BCL7A: variants seen among roughly 807,000 people sequenced by gnomAD.
The protein encoded by BCL7A is B-cell CLL/lymphoma 7 protein family member A.
In BCL7A, 11 loss-of-function variants were observed where a neutral mutation model predicts 28.4. The ratio of observed to expected loss-of-function variants is 0.39; its 90% confidence interval spans 0.24 to 0.64. BCL7A has a LOEUF of 0.64. Among genes scored for constraint, BCL7A ranks in the 30% least tolerant of loss-of-function variants. BCL7A has a pLI of 0.50. For synonymous variants in BCL7A, 123 were observed against 103.3 expected, an observed-to-expected ratio of 1.19 and a Z score of -1.15; for missense variants, 222 against 274.8, an observed-to-expected ratio of 0.81 and a Z score of 1.36.
intron 5 of BCL7A, among the ~76,000 whole-genome samples, chr12:122,057,787 T>C (rs773193560): frequency 1.3e-5 from 2 of 152,168 alleles, no homozygotes; most frequent in Non-Finnish European, 2.9e-5. Context: ...CATATGTGTA[T>C]ACCCAGCAAA....
intron 5 of BCL7A, among the ~76,000 whole-genome samples, chr12:122,055,701 C>A (rs1951873618): frequency 6.6e-6 from 1 of 152,196 alleles, no homozygotes; most frequent in Non-Finnish European, 1.5e-5. Context: ...TCACTCCAAC[C>A]TCCACCTCCT....
rs902579002 is a variant in BCL7A, at chr12:122,059,628, T to C, written c.*465T>C. Reference sequence around the variant, plus strand: ...CCTCTGGCATGTATCCTGGTGGTTCTTACATCCCCCTCTGCAAAGTGCCCT... The same window carrying C: ...CCTCTGGCATGTATCCTGGTGGTTCCTACATCCCCCTCTGCAAAGTGCCCT... On this transcript the variant is annotated 3_prime_UTR_variant, in exon 6 of 6. Transcript: ENST00000261822. This position sits in a 1 kb window ranked among gnomAD's most constrained non-coding sequence, Gnocchi z 4.0. 3.4e-5 allele frequency: 8 copies of C among 234,318 alleles called. No homozygotes were observed. The highest frequency in any genetic ancestry group is 6.7e-5 in the Non-Finnish European group (8 of 118,946). 14.5% of individuals were successfully genotyped at this position (234,318 alleles called of 1,614,324 possible).
intron 3 of BCL7A, among the ~76,000 whole-genome samples, chr12:122,043,289 A>G (rs2135851767): frequency 6.6e-6 from 1 of 152,118 alleles, no homozygotes; most frequent in Non-Finnish European, 1.5e-5. Flanking sequence ...TTAGGCCACC[A>G]TCCCCAGCTG....
In BCL7A at chr12:122,021,941, TGTGTGTGTGTGTGTGTGA is replaced by T; in HGVS notation, c.-143_-126del. 7.1e-6 allele frequency: 4 copies of T among 565,732 alleles called. No individual in the cohort carries two copies. Among genetic ancestry groups the T allele is most frequent in the South Asian group, 3.8e-5 (2 of 52,228 alleles). The allele number at this position is 565,732 out of a possible 1,614,324, so 35.0% of individuals were successfully genotyped here. On this transcript the variant is annotated 5_prime_UTR_variant, in exon 1 of 6. It removes the in-frame stop codon of an upstream open reading frame in the 5' UTR. Coordinates refer to ENST00000261822, the MANE Select transcript of BCL7A (RefSeq NM_001024808.3). Reference sequence around the variant, plus strand: ...TTGTGTGTGTGTGTATGTGTGTGTGTGTGTGTGTGTGTGTGTGAGTGTGTGCGTGTGAGAGTGCGAGTG... The same window carrying T: ...TTGTGTGTGTGTGTATGTGTGTGTGTGTGTGTGCGTGTGAGAGTGCGAGTG...
At chr12:122,049,876 A>G (rs919824945) in intron 4 of BCL7A, among the ~76,000 whole-genome samples, 9 of 151,922 alleles carry the variant, frequency 5.9e-5, no homozygotes, top group Non-Finnish European at 1.0e-4. Context: ...AGAATGTCAC[A>G]GGTTCTGCCT....
In BCL7A at chr12:122,059,778, G is replaced by C; in HGVS notation, c.*615G>C. The C allele has an allele frequency of 4.3e-6, 1 of 232,004 alleles. No individual in the cohort carries two copies. Among genetic ancestry groups the C allele is most frequent in the Non-Finnish European group, 8.5e-6 (1 of 117,326 alleles). 14.4% of individuals were successfully genotyped at this position (232,004 alleles called of 1,614,324 possible). A position where few individuals can be genotyped will look rare whatever the true frequency, so the allele number is the denominator to read the frequency against. The stretch of plus-strand genomic sequence containing the variant: ...AGCCCACCTGGTTTGCAGGTGCAGG[G>C]GGACCTTAGGCACGCCCCAAGCACC... On this transcript the variant is annotated 3_prime_UTR_variant, in exon 6 of 6. Transcript: ENST00000261822. This position sits in a 1 kb window ranked among gnomAD's most constrained non-coding sequence, Gnocchi z 4.0.
Position 122,021,926 on chromosome 12 carries a change from G to GGA in BCL7A, c.-166_-165insGA. On this transcript the variant is annotated 5_prime_UTR_variant, in exon 1 of 6. It adds an upstream start codon to the 5' untranslated region. Transcript: ENST00000261822. ...CGGCGGCCCCGGGCTTTGTGTGTGTGTGTATGTGTGTGTGTGTGTGTGTGT... is the reference window on the plus strand; with the variant it reads ...CGGCGGCCCCGGGCTTTGTGTGTGTGGATGTATGTGTGTGTGTGTGTGTGTGT... 9.5e-6 allele frequency: 4 copies of GGA among 422,208 alleles called. No homozygotes were observed. The highest frequency in any genetic ancestry group is 4.3e-5 in the East Asian group (1 of 23,122). 26.2% of individuals were successfully genotyped at this position (422,208 alleles called of 1,614,324 possible). A position where few individuals can be genotyped will look rare whatever the true frequency, so the allele number is the denominator to read the frequency against.
chr12:122,027,588 A>C (rs1305040068), intron 1 of BCL7A, among the ~76,000 whole-genome samples: 1 of 152,090 alleles, frequency 6.6e-6, no homozygotes, highest in Non-Finnish European at 1.5e-5. Flanking sequence ...CTGTAATTCC[A>C]GCACTTTGGG....
chr12:122,059,836 G>GCCA lies in BCL7A; in HGVS notation c.*673_*674insCCA, dbSNP rs1404435293. 4.3e-6 allele frequency: 1 copy of GCCA among 232,026 alleles called. No individual in the cohort carries two copies. The highest frequency in any genetic ancestry group is 6.1e-5 in the East Asian group (1 of 16,440). 14.4% of individuals were successfully genotyped at this position (232,026 alleles called of 1,614,324 possible). ...AGGGCCCAAGGACGCGCAGGTGTTG[G>GCCA]GGCACAGTCCCCAAGGGCTCGGCCC... On this transcript the variant is annotated 3_prime_UTR_variant, in exon 6 of 6. Transcript: ENST00000261822. The surrounding 1 kb of genome is among the most constrained non-coding windows in gnomAD (Gnocchi z 4.0).
At chr12:122,032,563 C>T (rs1194591194) in intron 2 of BCL7A, among the ~76,000 whole-genome samples, 3 of 152,144 alleles carry the variant, frequency 2.0e-5, no homozygotes, top group East Asian at 3.8e-4. Context: ...CCTGGGCCAT[C>T]GGGAAGGACC....
chr12:122,044,648 C>T (rs1884034842), intron 4 of BCL7A, among the ~76,000 whole-genome samples: 2 of 152,074 alleles, frequency 1.3e-5, no homozygotes, highest in Admixed American at 6.6e-5. Context: ...CATAGCAAGA[C>T]CCTGTCTCTA....
rs75417140 is a variant in BCL7A, at chr12:122,050,885, T to C, written c.440-3920T>C. Among the ~76,000 whole-genome samples, 679 of 152,326 alleles carry C rather than the reference T, an allele frequency of 4.5e-3. 8 individuals are homozygous for C. Among genetic ancestry groups the C allele is most frequent in the African/African-American group, 0.015 (644 of 41,576 alleles). On this transcript the variant is annotated intron_variant, in intron 4 of 5. Transcript: ENST00000261822. Reference sequence around the variant, plus strand: ...GCCAGCAAAGTGCTCGGCCTGGAGCTGGGGCTTAGGAGGAGGGTCTGGGAG... The same window carrying C: ...GCCAGCAAAGTGCTCGGCCTGGAGCCGGGGCTTAGGAGGAGGGTCTGGGAG...
At chr12:122,024,939 G>A (rs1314425859) in intron 1 of BCL7A, among the ~76,000 whole-genome samples, 14 of 80,778 alleles carry the variant, frequency 1.7e-4, no homozygotes, top group African/African-American at 2.4e-4. Flanking sequence ...TTACCCCCCC[G>A]ACCCACCCAC....
At chr12:122,024,518 T>A (rs531588876) in intron 1 of BCL7A, among the ~76,000 whole-genome samples, 1 of 151,878 alleles carries the variant, frequency 6.6e-6, no homozygotes, top group East Asian at 1.9e-4. Context: ...TTGCCCAGGT[T>A]TCTCTGGCCC....
chr12:122,039,491 T>C (rs1480578904), intron 3 of BCL7A, among the ~76,000 whole-genome samples: 1 of 4,070 alleles, frequency 2.5e-4, no homozygotes, highest in Non-Finnish European at 5.2e-4. Context: ...ATCTCTTAAA[T>C]ATATATATAT....
chr12:122,038,431 CAAAAA>C (rs56376395), intron 3 of BCL7A, among the ~76,000 whole-genome samples: 12 of 33,556 alleles, frequency 3.6e-4, no homozygotes, highest in East Asian at 1.1e-3. Flanking sequence ...GACTCTGCCT[CAAAAA>C]AAAAAAAAAA....
At chr12:122,052,678 G>A (rs1291400986) in intron 4 of BCL7A, among the ~76,000 whole-genome samples, 3 of 151,516 alleles carry the variant, frequency 2.0e-5, no homozygotes, top group Admixed American at 6.6e-5. Context: ...TTATTGTTTT[G>A]TTTTTTGTTT....
intron 2 of BCL7A, among the ~76,000 whole-genome samples, chr12:122,031,146 C>A (rs1053311388): frequency 6.6e-6 from 1 of 152,160 alleles, no homozygotes; most frequent in Non-Finnish European, 1.5e-5. Flanking sequence ...CCAGCCTCAG[C>A]CTCCCGAGTA....
chr12:122,039,061 C>A (rs1184357603), intron 3 of BCL7A, among the ~76,000 whole-genome samples: 1 of 151,870 alleles, frequency 6.6e-6, no homozygotes, highest in Admixed American at 6.6e-5. Context: ...TTCTGGGAGG[C>A]CAAGGCGGGC....
Sources: gnomAD v4.1 joint callset for allele counts (sites outside exome capture counted in the v4.1 genomes callset) on GRCh38, gnomAD v4.1.1 for gene constraint, Gnocchi (gnomAD v3.1) non-coding constraint, MANE v1.5 for transcripts, NCBI Gene and HGNC (gene_info 2026-07-23, HGNC 2026-07-21) for gene names.